The following MAGI2 variants were observed in gnomAD, a reference collection of about 807,000 sequenced individuals.
MAGI2 encodes the protein membrane-associated guanylate kinase, WW and PDZ domain-containing protein 2.
A neutral mutation model predicts 133.3 loss-of-function variants in MAGI2; 35 were observed. The ratio of observed to expected loss-of-function variants is 0.26; its 90% CI spans 0.20 to 0.35. MAGI2 has a LOEUF of 0.35. Among genes scored for constraint, MAGI2 ranks in the 10% least tolerant of loss-of-function variants. The pLI is 1.00. For synonymous variants in MAGI2, 729 were observed against 710.6 expected (o/e 1.03, Z -0.41); for missense variants, 1,636 against 1,863.4 (o/e 0.88, Z 2.25).
chr7:78,363,511 G>GATAATA (rs10570471), intron 7 of MAGI2, among the ~76,000 whole-genome samples: 2 of 147,794 alleles, frequency 1.4e-5, no homozygotes, highest in African/African-American at 2.5e-5. Context: ...TAATAATAAT[G>GATAATA]ATAATAATAA....
intron 2 of MAGI2, among the ~76,000 whole-genome samples, chr7:78,862,790 C>T (rs376207553): frequency 9.2e-5 from 14 of 152,210 alleles, no homozygotes; most frequent in African/African-American, 1.9e-4. Context: ...GATTTTGCTA[C>T]GATACCACAG....
At chr7:78,836,245 C>T (rs374833727) in intron 2 of MAGI2, among the ~76,000 whole-genome samples, 57 of 152,274 alleles carry the variant, frequency 3.7e-4, no homozygotes, top group African/African-American at 1.3e-3. Flanking sequence ...ACATGGAAGT[C>T]AATAAATATA....
At chr7:79,256,015 A>G (rs1833653543) in intron 1 of MAGI2, among the ~76,000 whole-genome samples, 1 of 152,156 alleles carries the variant, frequency 6.6e-6, no homozygotes, top group Admixed American at 6.5e-5. Context: ...GCCAAAATGC[A>G]GCATCATTTC....
At position 78,476,114 on chromosome 7, in the gene MAGI2, G is replaced by A. The variant is rs375511179; in HGVS notation, c.1045+13647C>T. Among the ~76,000 whole-genome samples the A allele has an allele frequency of 1.1e-4, 17 of 151,938 alleles. 1 individual carries two copies. The highest frequency in any genetic ancestry group is 4.1e-4 in the African/African-American group (17 of 41,488). On this transcript the variant is annotated intron_variant, in intron 6 of 21. Transcript: ENST00000354212. ...ATAATTTAATTCTACAAGCAGAGAG[G>A]TTATCCAACAAGTGTCTGTCATATG...
chr7:79,151,332 C>A (rs1585053818), intron 1 of MAGI2, among the ~76,000 whole-genome samples: 1 of 152,056 alleles, frequency 6.6e-6, no homozygotes, highest in East Asian at 1.9e-4. Context: ...AAAAGATGAA[C>A]AATCTAACAT....
chr7:78,326,864 T>G (rs556212607), intron 9 of MAGI2, among the ~76,000 whole-genome samples: 1 of 152,146 alleles, frequency 6.6e-6, no homozygotes, highest in South Asian at 2.1e-4. Context: ...ATCACTGCCT[T>G]TCCCCTCCCT....
At chr7:79,101,740 A>AC (rs397730830) in intron 1 of MAGI2, among the ~76,000 whole-genome samples, 3 of 142,550 alleles carry the variant, frequency 2.1e-5, no homozygotes, top group African/African-American at 5.9e-5. Context: ...AAAAAAAAAA[A>AC]GAAAAAAGAA....
At chr7:78,231,790 G>C (rs532352253) in intron 10 of MAGI2, among the ~76,000 whole-genome samples, 1 of 152,170 alleles carries the variant, frequency 6.6e-6, no homozygotes, top group Non-Finnish European at 1.5e-5. Context: ...CTGAAGAAAG[G>C]ATGTAATTTG....
At chr7:78,399,463 C>A (rs1323990101) in intron 6 of MAGI2, among the ~76,000 whole-genome samples, 2 of 152,148 alleles carry the variant, frequency 1.3e-5, no homozygotes, top group African/African-American at 4.8e-5. Flanking sequence ...TGGTAAGAAG[C>A]ACTATTTGCA....
At chr7:79,072,977 A>G (rs1815123396) in intron 1 of MAGI2, among the ~76,000 whole-genome samples, 1 of 152,178 alleles carries the variant, frequency 6.6e-6, no homozygotes, top group African/African-American at 2.4e-5. Context: ...CCTAGGAAAA[A>G]GTATGCATTT....
intron 1 of MAGI2, among the ~76,000 whole-genome samples, chr7:79,258,609 A>C (rs10225262): frequency 0.57 from 86,787 of 152,046 alleles, 26,610 homozygotes; most frequent in Non-Finnish European, 0.69. Context: ...CTGTGGCTCT[A>C]AAAAGTAACT....
intron 2 of MAGI2, among the ~76,000 whole-genome samples, chr7:78,688,929 T>C (rs551577531): frequency 3.0e-4 from 46 of 152,328 alleles, no homozygotes; most frequent in African/African-American, 1.0e-3. Context: ...GGTTTGTCAA[T>C]AGAAGTCTAT....
chr7:78,868,167 T>C (rs1225304396), intron 2 of MAGI2, among the ~76,000 whole-genome samples: 2 of 152,134 alleles, frequency 1.3e-5, no homozygotes, highest in South Asian at 2.1e-4. Context: ...GAATGCATAA[T>C]ATGTTAAAAC....
At chr7:78,137,268 G>A (rs1029274133) in intron 16 of MAGI2, among the ~76,000 whole-genome samples, 1 of 152,008 alleles carries the variant, frequency 6.6e-6, no homozygotes. Context: ...TATCTGTCCC[G>A]TGACCTCTGC....
At chr7:78,167,760 T>A (rs561856425) in intron 15 of MAGI2, among the ~76,000 whole-genome samples, 156 bp downstream of exon 15, 2 of 152,222 alleles carry the variant, frequency 1.3e-5, no homozygotes, top group African/African-American at 2.4e-5. Context: ...ATCAGCACTT[T>A]CAAAATCATC....
At chr7:79,063,493 C>G (rs1328861871) in intron 1 of MAGI2, among the ~76,000 whole-genome samples, 1 of 151,934 alleles carries the variant, frequency 6.6e-6, no homozygotes, top group African/African-American at 2.4e-5. Context: ...ATCCTAACAC[C>G]CCTAGTGGCC....
intron 1 of MAGI2, among the ~76,000 whole-genome samples, chr7:79,272,892 A>G (rs1834976148): frequency 6.6e-6 from 1 of 152,128 alleles, no homozygotes; most frequent in South Asian, 2.1e-4. Context: ...ATATACCAGA[A>G]GATATCTATC....
At chr7:79,200,423 C>A (rs772179519) in intron 1 of MAGI2, among the ~76,000 whole-genome samples, 3 of 148,324 alleles carry the variant, frequency 2.0e-5, no homozygotes, top group Non-Finnish European at 4.4e-5. Context: ...GGCAACATGG[C>A]GAAACCCCGT....
In MAGI2 at chr7:78,240,638, T is replaced by C. The variant is rs55862627; in HGVS notation, c.2047+15305A>G. The stretch of plus-strand genomic sequence containing the variant: ...TGGTGGTTCCCAGAGGCTGGGATGG[T>C]TGTGGGGCTGGGAGGAGTTGGGGAG... On this transcript the variant is annotated intron_variant, in intron 10 of 21. Transcript: ENST00000354212. 9.3e-3 allele frequency among the ~76,000 whole-genome samples: 1,422 copies of C among 152,178 alleles called. 18 individuals are homozygous for C. Among genetic ancestry groups the C allele is most frequent in the African/African-American group, 0.033 (1,365 of 41,522 alleles).
Sources: gnomAD v4.1 joint callset for allele counts (sites outside exome capture counted in the v4.1 genomes callset) on GRCh38, gnomAD v4.1.1 for gene constraint, MANE v1.5 for transcripts, NCBI Gene and HGNC (gene_info 2026-07-23, HGNC 2026-07-21) for gene names.